EYA4: variants seen among roughly 807,000 people sequenced by gnomAD.
EYA4 encodes EYA transcriptional coactivator and phosphatase 4.
Under a neutral mutation model 87.9 loss-of-function variants are expected in EYA4, and 31 were observed. The ratio of observed to expected loss-of-function variants is 0.35; its 90% CI spans 0.27 to 0.48. EYA4 has a LOEUF of 0.48. Among genes scored for constraint, EYA4 ranks in the 20% least tolerant of loss-of-function variants. The probability of loss-of-function intolerance (pLI) is 0.99; values close to 1 mark genes in which losing one functional copy is unlikely to be tolerated. For synonymous variants in EYA4, 263 were observed against 270.6 expected, an observed-to-expected ratio of 0.97 and a Z score of 0.28; for missense variants, 678 against 761.4, an observed-to-expected ratio of 0.89 and a Z score of 1.29.
chr6:133,284,903 A>C (rs184080409), intron 2 of EYA4, among the ~76,000 whole-genome samples: 2 of 152,186 alleles, frequency 1.3e-5, no homozygotes, highest in Non-Finnish European at 2.9e-5. Context: ...AATAAGTGCA[A>C]GGAGAAAAAC....
intron 2 of EYA4, among the ~76,000 whole-genome samples, chr6:133,337,547 C>A (rs970167354): frequency 1.3e-5 from 2 of 151,968 alleles, no homozygotes; most frequent in African/African-American, 4.8e-5. Context: ...GTTTTGCAAT[C>A]AAAATGGAAA....
chr6:133,377,672 G>T (rs1194907391), intron 2 of EYA4, among the ~76,000 whole-genome samples: 1 of 148,232 alleles, frequency 6.7e-6, no homozygotes, highest in Non-Finnish European at 1.5e-5. Flanking sequence ...CTTACATGGA[G>T]TTTAAATGTT....
intron 2 of EYA4, among the ~76,000 whole-genome samples, chr6:133,338,832 A>G (rs892695256): frequency 1.5e-5 from 2 of 129,358 alleles, no homozygotes; most frequent in African/African-American, 6.2e-5. Flanking sequence ...AATTCAGAAA[A>G]TTATCACCAA....
chr6:133,326,183 G>A (rs1024027151), intron 2 of EYA4, among the ~76,000 whole-genome samples: 1 of 152,212 alleles, frequency 6.6e-6, no homozygotes, highest in African/African-American at 2.4e-5. Context: ...TCCAGAGCCA[G>A]CCTTGACCAG....
chr6:133,508,327 T>C (rs1289014766), intron 14 of EYA4, among the ~76,000 whole-genome samples: 2 of 150,066 alleles, frequency 1.3e-5, no homozygotes, highest in African/African-American at 5.0e-5. Flanking sequence ...CTGCTACTTA[T>C]GAATACAGAA....
chr6:133,482,894 A>T (rs116703461), intron 12 of EYA4, 138 bp from the exon 13 acceptor site: 112 of 746,964 alleles, frequency 1.5e-4, no homozygotes, highest in African/African-American at 1.3e-3. Context: ...CAAATTTGAA[A>T]AACAAAAAAA....
At position 133,407,393 on chromosome 6, in the gene EYA4, A is replaced by G. The variant is rs143375104; in HGVS notation, c.83+24952A>G. Among the ~76,000 whole-genome samples the G allele has an allele frequency of 8.7e-3, 1,328 of 152,036 alleles. 21 individuals are homozygous for G. The highest frequency in any genetic ancestry group is 0.03 in the African/African-American group (1,234 of 41,454). On this transcript the variant is annotated intron_variant, in intron 3 of 19. Transcript: ENST00000355286. ...GGAGGATAGGAGGAGAAGGCGATGGACCCTACAGGTGCAAACTCTTTCCAA... is the reference window on the plus strand; with the variant it reads ...GGAGGATAGGAGGAGAAGGCGATGGGCCCTACAGGTGCAAACTCTTTCCAA...
intron 13 of EYA4, 44 bp from the exon 14 acceptor site, chr6:133,506,062 G>C (rs765154629): frequency 9.2e-7 from 1 of 1,088,260 alleles, no homozygotes; most frequent in Admixed American, 1.7e-5. Flanking sequence ...AATAATAAGC[G>C]CTTACTGAAA....
At chr6:133,498,865 T>TATG (rs1562490485) in intron 13 of EYA4, among the ~76,000 whole-genome samples, 1 of 152,204 alleles carries the variant, frequency 6.6e-6, no homozygotes. Context: ...GTGTTGAGTA[T>TATG]ATGTTTGAGA....
intron 2 of EYA4, among the ~76,000 whole-genome samples, chr6:133,276,908 A>G (rs1267526026): frequency 1.3e-5 from 2 of 149,044 alleles, no homozygotes; most frequent in African/African-American, 4.9e-5. Context: ...TGTCAAAAAA[A>G]AAAAAAAAAA....
chr6:133,462,644 A>G lies in EYA4; in HGVS notation c.604A>G (p.Ile202Val). Reference protein sequence around the residue: ...TYDLGVMLPAIKTESGLSQTQ... With the variant: ...TYDLGVMLPAVKTESGLSQTQ... ...AGATTTGGGTGTGATGTTGCCAGCC[A>G]TCAAGACAGAGAGTGGACTTTCCCA... Residue 202 changes from isoleucine to valine, a missense_variant, in exon 9 of 20, where the codon ATC (isoleucine) becomes GTC (valine). Physicochemically the swap from Ile to Val is conservative, Grantham distance 29. Coordinates refer to ENST00000355286, the MANE Select transcript of EYA4 (RefSeq NM_004100.5). The G allele has an allele frequency of 6.2e-7, 1 of 1,614,066 alleles. No homozygotes were observed. Among genetic ancestry groups the G allele is most frequent in the Admixed American group, 1.7e-5 (1 of 59,992 alleles).
intron 2 of EYA4, among the ~76,000 whole-genome samples, chr6:133,337,053 A>T (rs778923157): frequency 5.9e-5 from 9 of 152,210 alleles, no homozygotes; most frequent in African/African-American, 2.2e-4. Context: ...AATCTGCGAA[A>T]TTCTCCAGGT....
intron 9 of EYA4, among the ~76,000 whole-genome samples, chr6:133,464,016 G>T (rs898329424): frequency 1.3e-5 from 2 of 151,382 alleles, no homozygotes; most frequent in Non-Finnish European, 2.9e-5. Flanking sequence ...TCAGGTCAGT[G>T]GCACTGATTA....
At chr6:133,479,915 T>A (rs895079102) in intron 11 of EYA4, among the ~76,000 whole-genome samples, 3 of 152,210 alleles carry the variant, frequency 2.0e-5, no homozygotes, top group Non-Finnish European at 4.4e-5. Context: ...CCTAAGATAC[T>A]TTCTCACAAG....
At chr6:133,402,583 T>G (rs1788357327) in intron 3 of EYA4, among the ~76,000 whole-genome samples, 1 of 152,060 alleles carries the variant, frequency 6.6e-6, no homozygotes, top group Non-Finnish European at 1.5e-5. Context: ...ACTGAAAGAG[T>G]GTAGTCAACT....
At chr6:133,322,315 T>C (rs1781154515) in intron 2 of EYA4, among the ~76,000 whole-genome samples, 2 of 152,246 alleles carry the variant, frequency 1.3e-5, no homozygotes, top group South Asian at 4.1e-4. Context: ...GTCGTTGTGC[T>C]ATAAAAGGAC....
At chr6:133,242,074 A>AT (rs1446139920) in intron 1 of EYA4, among the ~76,000 whole-genome samples, 2 of 152,210 alleles carry the variant, frequency 1.3e-5, no homozygotes, top group Non-Finnish European at 2.9e-5. Flanking sequence ...AACGGAGTTC[A>AT]TCCAGCAGTC....
chr6:133,276,568 A>G (rs1018108201), intron 2 of EYA4, among the ~76,000 whole-genome samples: 7 of 152,180 alleles, frequency 4.6e-5, no homozygotes, highest in Non-Finnish European at 8.8e-5. Context: ...GGAGCTCACT[A>G]TTTCTTTTTA....
chr6:133,439,984 T>A (rs1792111655), intron 3 of EYA4, among the ~76,000 whole-genome samples: 1 of 152,232 alleles, frequency 6.6e-6, no homozygotes, highest in Admixed American at 6.5e-5. Context: ...CACTTTTTAC[T>A]GCACAAGGGC....
Sources: gnomAD v4.1 joint callset for allele counts (sites outside exome capture counted in the v4.1 genomes callset) on GRCh38, gnomAD v4.1.1 for gene constraint, MANE v1.5 for transcripts, NCBI Gene and HGNC (gene_info 2026-07-23, HGNC 2026-07-21) for gene names.